Variants in XKR6 observed in about 807,000 individuals in gnomAD.
XKR6 encodes XK related 6, also known as XK-related protein 6.
Under a neutral mutation model 56.7 loss-of-function variants are expected in XKR6, and 22 were observed. The ratio of observed to expected loss-of-function variants is 0.39; its 90% CI spans 0.28 to 0.55. The LOEUF is 0.55. Ranked by LOEUF, XKR6 falls within the 20% of genes least tolerant of loss-of-function variation. XKR6 has a pLI of 0.66. For synonymous variants in XKR6, 524 were observed against 387.8 expected (o/e 1.35, Z -4.13); for missense variants, 852 against 889.0 (o/e 0.96, Z 0.53).
chr8:10,972,857 G>C (rs1489114866), intron 1 of XKR6, among the ~76,000 whole-genome samples: 1 of 152,170 alleles, frequency 6.6e-6, no homozygotes, highest in Non-Finnish European at 1.5e-5. Flanking sequence ...CGGTTAAAAT[G>C]GTCAATTTTA....
intron 1 of XKR6, among the ~76,000 whole-genome samples, chr8:10,967,479 G>A (rs1274715650): frequency 6.6e-6 from 1 of 152,232 alleles, no homozygotes; most frequent in Admixed American, 6.5e-5. Context: ...CGAAGAGGCT[G>A]TACAGGAGCC....
chr8:11,185,647 A>G lies in XKR6; in HGVS notation c.764+14929T>C, dbSNP rs554070329. ...TCTCCAATGATGGGACATGATTTTGAAAGAGTACATTAGCTGTGCTCACAA... is the reference window on the plus strand; with the variant it reads ...TCTCCAATGATGGGACATGATTTTGGAAGAGTACATTAGCTGTGCTCACAA... On this transcript the variant is annotated intron_variant, in intron 1 of 2. Transcript: ENST00000416569. 1.4e-4 allele frequency among the ~76,000 whole-genome samples: 22 copies of G among 152,316 alleles called. 1 individual carries two copies. In the South Asian group the frequency reaches 4.6e-3, roughly 32 times the overall value.
At chr8:11,038,907 G>C (rs1799215181) in intron 1 of XKR6, among the ~76,000 whole-genome samples, 1 of 152,060 alleles carries the variant, frequency 6.6e-6, no homozygotes, top group Non-Finnish European at 1.5e-5. Flanking sequence ...CAGCTAGGTG[G>C]GCTTCTGAGG....
At chr8:11,106,911 C>T (rs1435902900) in intron 1 of XKR6, among the ~76,000 whole-genome samples, 1 of 145,754 alleles carries the variant, frequency 6.9e-6, no homozygotes, top group Non-Finnish European at 1.5e-5. Flanking sequence ...AAACCTTAGA[C>T]AACCCAGATC....
intron 1 of XKR6, among the ~76,000 whole-genome samples, chr8:10,976,501 C>G (rs560693269): frequency 1.3e-5 from 2 of 152,234 alleles, no homozygotes; most frequent in East Asian, 3.9e-4. Context: ...CTCTGCGCCC[C>G]CCGGGTGGTG....
At chr8:11,076,513 A>G (rs1369671063) in intron 1 of XKR6, among the ~76,000 whole-genome samples, 12 of 152,218 alleles carry the variant, frequency 7.9e-5, no homozygotes, top group Admixed American at 7.9e-4. Flanking sequence ...CAAGGCCTGG[A>G]GTCAGGCCAG....
chr8:10,948,936 G>A (rs1268906205), intron 1 of XKR6, among the ~76,000 whole-genome samples: 1 of 152,238 alleles, frequency 6.6e-6, no homozygotes, highest in Non-Finnish European at 1.5e-5. Flanking sequence ...CAAATCTTCA[G>A]GTGATCGTCA....
At position 11,078,869 on chromosome 8, in the gene XKR6, AG is replaced by A. The variant is rs1248993075; in HGVS notation, c.764+121706del. Among the ~76,000 whole-genome samples, 7 of 152,304 alleles carry A rather than the reference AG, an allele frequency of 4.6e-5. No individual in the cohort carries two copies. The East Asian group carries it at 1.2e-3, about 25-fold the overall frequency. On this transcript the variant is annotated intron_variant, in intron 1 of 2. Transcript: ENST00000416569. ...CTCCCATGGCAAGCAAGGCCTCCCA[AG>A]GGGGGCCAGAGGCCTCATCCTCATG...
intron 1 of XKR6, among the ~76,000 whole-genome samples, chr8:10,951,302 G>A (rs55722350): frequency 1.4e-5 from 2 of 147,358 alleles, no homozygotes; most frequent in African/African-American, 5.3e-5. Flanking sequence ...TGTGTGTGGG[G>A]GGGGGGGGCC....
At chr8:11,034,871 G>C (rs749982550) in intron 1 of XKR6, among the ~76,000 whole-genome samples, 2 of 152,214 alleles carry the variant, frequency 1.3e-5, no homozygotes, top group Admixed American at 6.5e-5. Context: ...AGCCTTGCCT[G>C]TTCCCTCACA....
intron 1 of XKR6, among the ~76,000 whole-genome samples, chr8:11,140,664 G>A (rs982803023): frequency 2.0e-4 from 30 of 152,234 alleles, no homozygotes; most frequent in Admixed American, 3.9e-4. Flanking sequence ...TTGGGAGGCT[G>A]AGGTGGGTGG....
At chr8:11,057,094 C>A (rs1298475968) in intron 1 of XKR6, among the ~76,000 whole-genome samples, 1 of 152,250 alleles carries the variant, frequency 6.6e-6, no homozygotes, top group East Asian at 1.9e-4. Context: ...AAAAGCCGTT[C>A]TTGATGCCCC....
chr8:11,019,566 C>T (rs538246352), intron 1 of XKR6, among the ~76,000 whole-genome samples: 8 of 152,188 alleles, frequency 5.3e-5, no homozygotes, highest in African/African-American at 4.8e-5. Context: ...TGCTAGAACG[C>T]GCAGGTGACA....
At chr8:11,186,191 T>C (rs1803263707) in intron 1 of XKR6, among the ~76,000 whole-genome samples, 2 of 151,828 alleles carry the variant, frequency 1.3e-5, no homozygotes, top group Non-Finnish European at 2.9e-5. Context: ...TGCCCCCCCA[T>C]CCCCATCCCA....
At chr8:11,174,724 T>G (rs1802571061) in intron 1 of XKR6, among the ~76,000 whole-genome samples, 2 of 152,054 alleles carry the variant, frequency 1.3e-5, no homozygotes, top group African/African-American at 4.8e-5. Flanking sequence ...ACAGATGCCC[T>G]GCCCTTCGCA....
chr8:11,092,397 G>A (rs1485818205), intron 1 of XKR6, among the ~76,000 whole-genome samples: 5 of 152,112 alleles, frequency 3.3e-5, no homozygotes, highest in Non-Finnish European at 1.5e-5. Flanking sequence ...TTAGAATTCT[G>A]GTTGCAACCC....
At chr8:11,170,242 C>T (rs1018125911) in intron 1 of XKR6, among the ~76,000 whole-genome samples, 2 of 152,158 alleles carry the variant, frequency 1.3e-5, no homozygotes, top group Non-Finnish European at 2.9e-5. Flanking sequence ...AGCCTTGTTA[C>T]AGGAATTCTA....
intron 1 of XKR6, chr8:11,111,616 A>G (rs1488748727): frequency 6.6e-6 from 1 of 152,198 alleles, no homozygotes; most frequent in Non-Finnish European, 1.5e-5. Flanking sequence ...TCCTGGGAAA[A>G]ATGAGGTTCA....
At chr8:11,081,541 G>C (rs1291450602) in intron 1 of XKR6, among the ~76,000 whole-genome samples, 1 of 152,194 alleles carries the variant, frequency 6.6e-6, no homozygotes, top group African/African-American at 2.4e-5. Flanking sequence ...CATCTGCCTT[G>C]CTTCCTCTCC....
Sources: allele counts gnomAD v4.1 joint callset (sites outside exome capture counted in the v4.1 genomes callset), GRCh38; gene constraint gnomAD v4.1.1; transcripts MANE v1.5; gene names NCBI Gene and HGNC (gene_info 2026-07-23, HGNC 2026-07-21).